Variants in MAP2K4 observed in about 807,000 individuals in gnomAD.
MAP2K4 encodes mitogen-activated protein kinase kinase 4, also known as dual specificity mitogen-activated protein kinase kinase 4.
In MAP2K4, 4 loss-of-function variants were observed where a neutral mutation model predicts 48.5. The observed-to-expected ratio is 0.08, with a 90% confidence interval of 0.04 to 0.19. The LOEUF (loss-of-function observed/expected upper bound fraction) is 0.19. MAP2K4 is among the 10% of genes least tolerant of loss of function. The pLI is 1.00. For missense variants in MAP2K4, 258 were observed against 493.3 expected, an observed-to-expected ratio of 0.52 and a Z score of 4.52; for synonymous variants, 166 against 173.1, an observed-to-expected ratio of 0.96 and a Z score of 0.32.
intron 7 of MAP2K4, among the ~76,000 whole-genome samples, chr17:12,122,736 C>G (rs1318192908): frequency 2.6e-5 from 4 of 152,058 alleles, no homozygotes; most frequent in Non-Finnish European, 5.9e-5. Flanking sequence ...AGAAAGTGTT[C>G]TATATTTCAC....
intron 3 of MAP2K4, among the ~76,000 whole-genome samples, chr17:12,094,970 T>C (rs1971686486): frequency 1.3e-5 from 2 of 152,190 alleles, no homozygotes; most frequent in South Asian, 2.1e-4. Context: ...TTTTAATGTA[T>C]AGAAAGTGCA....
At chr17:12,047,801 T>C (rs1970014874) in intron 1 of MAP2K4, among the ~76,000 whole-genome samples, 1 of 152,196 alleles carries the variant, frequency 6.6e-6, no homozygotes, top group South Asian at 2.1e-4. Context: ...TGTTTGCCAC[T>C]ATTATAGCAT....
At chr17:12,101,977 A>T (rs1033127061) in intron 4 of MAP2K4, among the ~76,000 whole-genome samples, 1 of 151,902 alleles carries the variant, frequency 6.6e-6, no homozygotes, top group Non-Finnish European at 1.5e-5. Context: ...TTTCTTTCCC[A>T]ATTAGTTCCT....
In MAP2K4 at chr17:12,143,390, T is replaced by G; in HGVS notation, c.*2130T>G. On this transcript the variant is annotated 3_prime_UTR_variant, in exon 11 of 11. Transcript: ENST00000353533. ...ACTATAAACTTAAGGGCAAGGAGTT[T>G]ATTACAATGTATCTTTATTAAAACA... The G allele has an allele frequency of 4.3e-6, 1 of 232,964 alleles. No homozygotes were observed. The highest frequency in any genetic ancestry group is 8.5e-6 in the Non-Finnish European group (1 of 117,592). 14.4% of individuals were successfully genotyped at this position (232,964 alleles called of 1,614,324 possible). A position where few individuals can be genotyped will look rare whatever the true frequency, so the allele number is the denominator to read the frequency against.
At chr17:12,135,241 C>T (rs947102359) in intron 9 of MAP2K4, among the ~76,000 whole-genome samples, 1 of 152,028 alleles carries the variant, frequency 6.6e-6, no homozygotes, top group African/African-American at 2.4e-5. Flanking sequence ...GCATGCACCA[C>T]CACACCTGGC....
intron 2 of MAP2K4, among the ~76,000 whole-genome samples, chr17:12,058,296 T>G (rs1970347486): frequency 6.6e-6 from 1 of 151,704 alleles, no homozygotes; most frequent in Non-Finnish European, 1.5e-5. Flanking sequence ...AACTCCTGGA[T>G]TCCAGGGATC....
At chr17:12,073,387 T>C (rs1037821645) in intron 2 of MAP2K4, among the ~76,000 whole-genome samples, 54 of 152,282 alleles carry the variant, frequency 3.5e-4, no homozygotes, top group African/African-American at 1.2e-3. Flanking sequence ...GACTTAGGAT[T>C]GTATTTTTAT....
Position 12,081,333 on chromosome 17 carries a change from A to G in MAP2K4, c.219-23A>G. 6.4e-7 allele frequency: 1 copy of G among 1,574,350 alleles called. No homozygotes were observed. The highest frequency in any genetic ancestry group is 1.9e-5 in the Admixed American group (1 of 51,404). ...TAAAACCTATTTAAAATGTGGAAAA[A>G]TTGCTTCCCAATATTTTAACAGAGA... On this transcript the variant is annotated intron_variant, in intron 2 of 10. Transcript: ENST00000353533. The surrounding 1 kb of genome is among the most constrained non-coding windows in gnomAD (Gnocchi z 4.2).
intron 2 of MAP2K4, among the ~76,000 whole-genome samples, chr17:12,066,902 C>G (rs1970635059): frequency 6.6e-6 from 1 of 152,208 alleles, no homozygotes; most frequent in Non-Finnish European, 1.5e-5. Flanking sequence ...TGGTCTCGAT[C>G]TCCTGACCTC....
intron 3 of MAP2K4, among the ~76,000 whole-genome samples, chr17:12,082,314 A>G (rs1007003931): frequency 6.6e-6 from 1 of 152,156 alleles, no homozygotes; most frequent in African/African-American, 2.4e-5. Context: ...TATGTAAGAT[A>G]TTTCAGGAAA....
In MAP2K4 at chr17:12,143,501, A is replaced by G. The variant is rs1973440322; in HGVS notation, c.*2241A>G. ...TGGTTATTTTTCTCTTGTACCATAG[A>G]AAAATGTATAAAAATTATCAAAAAG... On this transcript the variant is annotated 3_prime_UTR_variant, in exon 11 of 11. Transcript: ENST00000353533. The G allele has an allele frequency of 4.3e-6, 1 of 231,580 alleles. No individual in the cohort carries two copies. The highest frequency in any genetic ancestry group is 2.2e-5 in the African/African-American group (1 of 45,258). The allele number at this position is 231,580 out of a possible 1,614,324, so 14.3% of individuals were successfully genotyped here.
At chr17:12,085,473 C>G (rs558638781) in intron 3 of MAP2K4, among the ~76,000 whole-genome samples, 25 of 151,574 alleles carry the variant, frequency 1.6e-4, no homozygotes, top group African/African-American at 5.8e-4. Flanking sequence ...GTGCATAGGC[C>G]GGACTGAGTT....
rs143309961 is a variant in MAP2K4, at chr17:12,123,617, A to G, written c.814-1677A>G. The stretch of plus-strand genomic sequence containing the variant: ...TCTTTTTTTTCTAATTCTTTAAGCT[A>G]TAAAGTAGGTTTGATTTGAGATGTC... On this transcript the variant is annotated intron_variant, in intron 7 of 10. Coordinates refer to ENST00000353533, the MANE Select transcript of MAP2K4 (RefSeq NM_003010.4). Among the ~76,000 whole-genome samples the G allele has an allele frequency of 4.2e-3, 643 of 152,092 alleles. 1 individual carries two copies. Among genetic ancestry groups the G allele is most frequent in the East Asian group, 0.036 (188 of 5,172 alleles).
chr17:12,050,340 TAAATC>T (rs1222435583), intron 1 of MAP2K4, among the ~76,000 whole-genome samples: 2 of 152,220 alleles, frequency 1.3e-5, no homozygotes, highest in Admixed American at 1.3e-4. Flanking sequence ...AGTTCAAAGA[TAAATC>T]AAGATAGTTA....
At chr17:12,126,901 T>C (rs1426466216) in intron 8 of MAP2K4, among the ~76,000 whole-genome samples, 2 of 152,232 alleles carry the variant, frequency 1.3e-5, no homozygotes, top group East Asian at 3.9e-4. Flanking sequence ...GAGGCTGTCC[T>C]GTAGGTAGGC....
chr17:12,065,348 G>A (rs1266425539), intron 2 of MAP2K4, among the ~76,000 whole-genome samples: 1 of 148,400 alleles, frequency 6.7e-6, no homozygotes, highest in Non-Finnish European at 1.5e-5. Context: ...ATCCAGGCTG[G>A]AGTGCAATGG....
intron 1 of MAP2K4, among the ~76,000 whole-genome samples, chr17:12,052,033 G>T (rs1970157269): frequency 6.6e-6 from 1 of 151,848 alleles, no homozygotes; most frequent in Non-Finnish European, 1.5e-5. Flanking sequence ...TGACATTTTG[G>T]GGCCTTCCTT....
At chr17:12,140,066 T>G (rs923351363) in intron 10 of MAP2K4, among the ~76,000 whole-genome samples, 182 bp downstream of exon 10, 2 of 152,232 alleles carry the variant, frequency 1.3e-5, no homozygotes, top group African/African-American at 4.8e-5. Flanking sequence ...TTATAATTTT[T>G]CTACTAATAC....
intron 1 of MAP2K4, among the ~76,000 whole-genome samples, chr17:12,031,221 A>G (rs1969427898): frequency 6.6e-6 from 1 of 152,150 alleles, no homozygotes; most frequent in South Asian, 2.1e-4. Flanking sequence ...TGCACCAAAG[A>G]CACTTTTCAT....
Sources: allele counts gnomAD v4.1 joint callset (sites outside exome capture counted in the v4.1 genomes callset), GRCh38; gene constraint gnomAD v4.1.1; non-coding constraint Gnocchi (gnomAD v3.1); transcripts MANE v1.5; gene names NCBI Gene and HGNC (gene_info 2026-07-23, HGNC 2026-07-21).